Variants in RABEP1 observed in about 807,000 individuals in gnomAD.
The protein encoded by RABEP1 is rabaptin, RAB GTPase binding effector protein 1.
A neutral mutation model predicts 123.4 loss-of-function variants in RABEP1; 51 were observed. The ratio of observed to expected loss-of-function variants is 0.41; its 90% CI spans 0.33 to 0.52. RABEP1 has a LOEUF of 0.52. Among genes scored for constraint, RABEP1 ranks in the 20% least tolerant of loss-of-function variants. The probability of loss-of-function intolerance (pLI) is 0.16; values close to 1 mark genes in which losing one functional copy is unlikely to be tolerated. For synonymous variants in RABEP1, 347 were observed against 355.2 expected (o/e 0.98, Z 0.26); for missense variants, 888 against 996.3 (o/e 0.89, Z 1.46).
chr17:5,296,671 G>T lies in RABEP1; in HGVS notation c.35-12023G>T, dbSNP rs1045066278. 4.6e-5 allele frequency among the ~76,000 whole-genome samples: 7 copies of T among 152,164 alleles called. No individual in the cohort carries two copies. In the South Asian group the frequency reaches 1.0e-3, roughly 22 times the overall value. On this transcript the variant is annotated intron_variant, in intron 1 of 17. Coordinates refer to ENST00000537505, the MANE Select transcript of RABEP1 (RefSeq NM_004703.6). ...GAAAATATTCTCTGAACATTTGATA[G>T]AATTTATGTTCTCTTTCAAGATTCA...
In RABEP1 at chr17:5,361,353, C is replaced by T. The variant is rs1174293538; in HGVS notation, c.1241C>T (p.Ser414Leu). 5.0e-6 allele frequency: 8 copies of T among 1,614,016 alleles called. No individual in the cohort carries two copies. The highest frequency in any genetic ancestry group is 3.3e-5 in the Admixed American group (2 of 59,994). Residue 414 changes from serine to leucine, a missense_variant, in exon 9 of 18, where the codon TCG becomes TTG. Coordinates refer to ENST00000537505, the MANE Select transcript of RABEP1 (RefSeq NM_004703.6). ...RAQSTDSLGT[S>L]GSLQSKALGY... ...CAGTCTACAGACAGCTTGGGAACCT[C>T]GGGCTCATTGCAATCCAAAGCTTTA...
intron 12 of RABEP1, among the ~76,000 whole-genome samples, chr17:5,369,216 TG>T (rs1451102101): frequency 1.1e-4 from 16 of 151,992 alleles, no homozygotes; most frequent in Admixed American, 1.1e-3. Context: ...CTGAGAGGGA[TG>T]GGGGCAGAGT....
At chr17:5,351,346 G>T (rs1224855409) in intron 7 of RABEP1, among the ~76,000 whole-genome samples, 1 of 152,046 alleles carries the variant, frequency 6.6e-6, no homozygotes, top group Non-Finnish European at 1.5e-5. Flanking sequence ...AATATAAAGT[G>T]ATCAAGTGAA....
intron 11 of RABEP1, among the ~76,000 whole-genome samples, chr17:5,367,886 G>C (rs973709637): frequency 1.1e-4 from 16 of 150,660 alleles, no homozygotes; most frequent in Non-Finnish European, 2.1e-4. Flanking sequence ...CTCCCGAGTA[G>C]CTGGAATACA....
chr17:5,362,886 T>C, intron 9 of RABEP1, 26 bp from the exon 10 acceptor site: 1 of 1,482,282 alleles, frequency 6.7e-7, no homozygotes, highest in Non-Finnish European at 9.4e-7. Flanking sequence ...TTTTGCCTGA[T>C]AAGAGGTAAT....
intron 5 of RABEP1, among the ~76,000 whole-genome samples, chr17:5,338,858 G>A (rs1377296611): frequency 1.3e-5 from 2 of 152,080 alleles, no homozygotes; most frequent in African/African-American, 2.4e-5. Context: ...CACAGCAAAA[G>A]AATTAAAGTA....
intron 8 of RABEP1, among the ~76,000 whole-genome samples, chr17:5,355,636 G>T (rs1398554436): frequency 2.0e-5 from 3 of 152,122 alleles, no homozygotes; most frequent in African/African-American, 4.8e-5. Context: ...ATTGGATACA[G>T]GTCTTGTCTT....
At chr17:5,323,874 CTAGG>C in intron 2 of RABEP1, among the ~76,000 whole-genome samples, 1 of 93,486 alleles carries the variant, frequency 1.1e-5, no homozygotes, top group Non-Finnish European at 2.1e-5. Context: ...ATATATATAT[CTAGG>C]AATCAATTTA....
chr17:5,337,481 C>T (rs189707177), intron 4 of RABEP1, among the ~76,000 whole-genome samples: 3 of 151,600 alleles, frequency 2.0e-5, no homozygotes, highest in Admixed American at 6.6e-5. Flanking sequence ...GTCAGGAGAT[C>T]GAGACCATCC....
intron 2 of RABEP1, among the ~76,000 whole-genome samples, chr17:5,313,182 A>G (rs2075262017): frequency 6.6e-6 from 1 of 152,158 alleles, no homozygotes; most frequent in Non-Finnish European, 1.5e-5. Flanking sequence ...AAATTTGTTC[A>G]TGTTTTTGAA....
chr17:5,368,310 G>T, intron 11 of RABEP1, 60 bp from the exon 12 acceptor site: 1 of 1,133,508 alleles, frequency 8.8e-7, no homozygotes, highest in South Asian at 1.3e-5. Context: ...GAAGATGGAA[G>T]AGTTAGTTTC....
chr17:5,299,145 A>G (rs183902785), intron 1 of RABEP1, among the ~76,000 whole-genome samples: 37 of 152,212 alleles, frequency 2.4e-4, no homozygotes, highest in African/African-American at 7.9e-4. Context: ...GGTGGGAGGA[A>G]GTTTCAGCCT....
Position 5,350,512 on chromosome 17 carries a change from G to T in RABEP1, c.846G>T (p.Lys282Asn). 6.2e-7 allele frequency: 1 copy of T among 1,614,182 alleles called. No individual in the cohort carries two copies. Among genetic ancestry groups the T allele is most frequent in the South Asian group, 1.1e-5 (1 of 91,084 alleles). Residue 282 changes from lysine (K) to asparagine (N), a missense_variant, in exon 7 of 18, where the codon AAG (lysine) becomes AAT (asparagine). Transcript: ENST00000537505. Reference sequence around the variant, plus strand: ...ACCAGTTAAAACATACGTGGCAGAAGGCCAATGACCAGTTTCTGGAATCTC... The same window carrying T: ...ACCAGTTAAAACATACGTGGCAGAATGCCAATGACCAGTTTCTGGAATCTC... ...QHNQLKHTWQKANDQFLESQR... is the reference protein window; with the variant it reads ...QHNQLKHTWQNANDQFLESQR...
intron 5 of RABEP1, among the ~76,000 whole-genome samples, chr17:5,340,639 T>TTA (rs1555522253): frequency 5.6e-5 from 8 of 142,824 alleles, no homozygotes; most frequent in African/African-American, 2.1e-4. Context: ...GCCAGATCTT[T>TTA]AAAAAAAAAA....
At chr17:5,358,816 A>C (rs1291841957) in intron 8 of RABEP1, among the ~76,000 whole-genome samples, 1 of 152,142 alleles carries the variant, frequency 6.6e-6, no homozygotes, top group East Asian at 1.9e-4. Context: ...GCTAGAGTAC[A>C]GTGGCACCAT....
chr17:5,365,854 T>C (rs1032406960), intron 11 of RABEP1, among the ~76,000 whole-genome samples: 18 of 152,274 alleles, frequency 1.2e-4, no homozygotes, highest in African/African-American at 3.6e-4. Context: ...ACGGAGTGTT[T>C]GTTCATTTTC....
rs765382484 is a variant in RABEP1 at position 5,386,210 on chromosome 17, A to T, written c.*2987A>T. The T allele has an allele frequency of 1.9e-6, 3 of 1,613,004 alleles. No individual in the cohort carries two copies. In the South Asian group the frequency reaches 3.3e-5, roughly 18 times the overall value. On this transcript the variant is annotated 3_prime_UTR_variant, in exon 18 of 18. Transcript: ENST00000537505. ...GTGAGTCAGCTCCTGGTGGTGTCAG[A>T]AGTTTACATGATTGCGGATATCATT...
intron 5 of RABEP1, among the ~76,000 whole-genome samples, chr17:5,338,873 C>T (rs1033861603): frequency 2.0e-5 from 3 of 152,080 alleles, no homozygotes; most frequent in African/African-American, 7.2e-5. Flanking sequence ...AAAGTAGGAA[C>T]AGGCCAGGTG....
At chr17:5,338,753 G>C (rs996729004) in intron 5 of RABEP1, among the ~76,000 whole-genome samples, 2 of 152,116 alleles carry the variant, frequency 1.3e-5, no homozygotes, top group Non-Finnish European at 2.9e-5. Flanking sequence ...AAAATAAACT[G>C]TTCGAAGTTG....
Sources: gnomAD v4.1 joint callset for allele counts (sites outside exome capture counted in the v4.1 genomes callset) on GRCh38, gnomAD v4.1.1 for gene constraint, MANE v1.5 for transcripts, NCBI Gene and HGNC (gene_info 2026-07-23, HGNC 2026-07-21) for gene names.